Variants in ACSL6 observed in about 807,000 individuals in gnomAD.
ACSL6 encodes long-chain-fatty-acid--CoA ligase 6.
ACSL6 carries 47 observed loss-of-function variants against 98.2 expected under a neutral mutation model. That is an observed-to-expected ratio of 0.48 (90% CI 0.38 to 0.61). The LOEUF is 0.61. ACSL6 is among the 20% of genes least tolerant of loss of function. The pLI is 0.00. For synonymous variants in ACSL6, 362 were observed against 336.9 expected, an observed-to-expected ratio of 1.07 and a Z score of -0.82; for missense variants, 761 against 913.4, an observed-to-expected ratio of 0.83 and a Z score of 2.15.
chr5:131,979,626 C>T (rs770395053), intron 9 of ACSL6, among the ~76,000 whole-genome samples: 7 of 152,182 alleles, frequency 4.6e-5, no homozygotes, highest in African/African-American at 1.2e-4. Context: ...AAAACATTCC[C>T]AGACATGCCC....
At chr5:131,978,640 C>T (rs1392870014) in intron 9 of ACSL6, among the ~76,000 whole-genome samples, 1 of 152,172 alleles carries the variant, frequency 6.6e-6, no homozygotes, top group Non-Finnish European at 1.5e-5. Context: ...TTGTGACTTG[C>T]AATGTCCATA....
intron 16 of ACSL6, 65 bp downstream of exon 16, chr5:131,967,875 A>C: frequency 7.1e-7 from 1 of 1,399,976 alleles, no homozygotes; most frequent in Non-Finnish European, 1.0e-6. Context: ...TTCCATCCCT[A>C]CTGTTCTTGT....
chr5:131,971,524 C>T (rs758668997), intron 14 of ACSL6, 26 bp downstream of exon 14: 1 of 1,567,488 alleles, frequency 6.4e-7, no homozygotes, highest in Non-Finnish European at 8.7e-7. Flanking sequence ...CTGCTGTTTC[C>T]AAGGGAGGAC....
chr5:131,962,603 T>C lies in ACSL6; in HGVS notation c.1789A>G (p.Lys597Glu). 1 of 1,614,140 alleles carries C rather than the reference T, an allele frequency of 6.2e-7. No homozygotes were observed. Among genetic ancestry groups the C allele is most frequent in the Non-Finnish European group, 8.5e-7 (1 of 1,179,998 alleles). Reference sequence around the variant, plus strand: ...CTCCGGATGTAGATGTTCTCAATCTTCTCGGGTGCAACATATTCTCCCTGA... The same window carrying C: ...CTCCGGATGTAGATGTTCTCAATCTCCTCGGGTGCAACATATTCTCCCTGA... The part of the protein sequence containing the change: ...LAQGEYVAPE[K>E]IENIYIRSQP... Residue 597 changes from lysine (K) to glutamate (E), a missense_variant, in exon 18 of 21, where the codon AAG (lysine) becomes GAG (glutamate). By Grantham distance (56) the Lys-to-Glu change is moderately conservative (BLOSUM62 1). Coordinates refer to ENST00000651883, the MANE Select transcript of ACSL6 (RefSeq NM_001009185.3).
chr5:131,977,901 T>C (rs1252151936), intron 9 of ACSL6, among the ~76,000 whole-genome samples: 4 of 152,116 alleles, frequency 2.6e-5, no homozygotes, highest in African/African-American at 9.7e-5. Flanking sequence ...AGAACTTTTT[T>C]TCATCTTTGG....
intron 1 of ACSL6, among the ~76,000 whole-genome samples, chr5:132,002,465 G>T (rs1295950888): frequency 1.3e-5 from 2 of 152,136 alleles, no homozygotes; most frequent in South Asian, 2.1e-4. Flanking sequence ...CCAGCTAGAG[G>T]GAAGCTCCTT....
At position 131,973,350 on chromosome 5, in the gene ACSL6, G is replaced by A; in HGVS notation, c.1119C>T (p.Ile373=). Residue 373 remains isoleucine, a synonymous_variant, in exon 12 of 21, where the codon ATC becomes ATT. Transcript: ENST00000651883. ...GGRVGFFQGD[I]RLLSDDMKAL... The stretch of plus-strand genomic sequence containing the variant: ...CCTTCATGTCATCTGAGAGAAGGCG[G>A]ATATCTCCCTGGAAGAAGCCAACAC... 6.2e-7 allele frequency: 1 copy of A among 1,614,188 alleles called. No homozygotes were observed.
chr5:131,981,976 G>A, intron 9 of ACSL6: 1 of 151,462 alleles, frequency 6.6e-6, no homozygotes, highest in Non-Finnish European at 1.5e-5. Context: ...TCCTGCCTCT[G>A]CTCCCAAGTA....
At chr5:131,989,320 C>A in intron 5 of ACSL6, 87 bp downstream of exon 5, 1 of 1,270,242 alleles carries the variant, frequency 7.9e-7, no homozygotes, top group South Asian at 1.3e-5. Context: ...TGTCCTGGGC[C>A]CTACAAACAG....
chr5:132,002,755 G>A (rs1437596315), intron 1 of ACSL6, among the ~76,000 whole-genome samples: 2 of 152,150 alleles, frequency 1.3e-5, no homozygotes, highest in African/African-American at 4.8e-5. Context: ...TAAGATGTTG[G>A]GGCCCCTGGC....
At chr5:131,972,917 TC>T in intron 12 of ACSL6, 59 bp from the exon 13 acceptor site, 1 of 1,611,288 alleles carries the variant, frequency 6.2e-7, no homozygotes, top group Admixed American at 1.7e-5. Context: ...TCTAGATATA[TC>T]CCCCAGGAAT....
chr5:131,994,495 C>G, intron 1 of ACSL6: 2 of 521,428 alleles, frequency 3.8e-6, no homozygotes, highest in Non-Finnish European at 7.0e-6. Context: ...GAATCATACG[C>G]TCAGGCCCTG....
Position 131,985,478 on chromosome 5 carries a change from AGT to A in ACSL6, c.865-22_865-21del, listed in dbSNP as rs1251591424. 6.2e-7 allele frequency: 1 copy of A among 1,613,284 alleles called. No homozygotes were observed. The highest frequency in any genetic ancestry group is 1.1e-5 in the South Asian group (1 of 91,040). On this transcript the variant is annotated intron_variant, in intron 8 of 20. Transcript: ENST00000651883. ...CGGGGGCTGCAGGGGTGAGAAGAGG[AGT>A]GTGTTAGGGAGACCCAGTGTGGCCA...
At chr5:131,994,647 T>C in intron 1 of ACSL6, 1 of 265,102 alleles carries the variant, frequency 3.8e-6, no homozygotes, top group South Asian at 4.7e-5. Context: ...TCTTTGCTCC[T>C]GGGGTGTGGA....
Position 131,990,906 on chromosome 5 carries a change from T to C in ACSL6, c.332A>G (p.Tyr111Cys). The C allele has an allele frequency of 1.2e-6, 2 of 1,613,504 alleles. No homozygotes were observed. The highest frequency in any genetic ancestry group is 1.7e-6 in the Non-Finnish European group (2 of 1,179,834). Reference protein sequence around the residue: ...GSGPQLLTHYYDDARTMYQVF... With the variant: ...GSGPQLLTHYCDDARTMYQVF... ...CTGGTACATGGTCCGGGCATCATCA[T>C]AGTAGTGGGTAAGTAGCTGAGGGCC... The change falls in exon 3 of 21, where the codon TAT (tyrosine) becomes TGT (cysteine). Residue 111 changes from tyrosine to cysteine, a missense_variant. Transcript: ENST00000651883.
At chr5:132,003,374 T>G (rs1487951111) in intron 1 of ACSL6, among the ~76,000 whole-genome samples, 3 of 152,218 alleles carry the variant, frequency 2.0e-5, no homozygotes, top group Non-Finnish European at 2.9e-5. Context: ...TGTGAGAGCC[T>G]ACAGTGTCCA....
chr5:131,955,062 G>A (rs1752328594), intron 20 of ACSL6, among the ~76,000 whole-genome samples: 1 of 152,142 alleles, frequency 6.6e-6, no homozygotes, highest in African/African-American at 2.4e-5. Context: ...TTTTTAGTTA[G>A]GGCAATGGCA....
At chr5:132,004,461 G>A (rs1022832909) in intron 1 of ACSL6, among the ~76,000 whole-genome samples, 8 of 152,180 alleles carry the variant, frequency 5.3e-5, no homozygotes, top group African/African-American at 1.9e-4. Flanking sequence ...ACCAACAGGT[G>A]GGTTGGTGGA....
chr5:132,001,685 G>A (rs1755092815), intron 1 of ACSL6: 1 of 152,200 alleles, frequency 6.6e-6, no homozygotes. Flanking sequence ...GGCTGTGACT[G>A]AGTACTTTAC....
Sources: allele counts gnomAD v4.1 joint callset (sites outside exome capture counted in the v4.1 genomes callset), GRCh38; gene constraint gnomAD v4.1.1; transcripts MANE v1.5; gene names NCBI Gene and HGNC (gene_info 2026-07-23, HGNC 2026-07-21).